RNF125: variants seen among roughly 807,000 people sequenced by gnomAD.
RNF125 encodes ring finger protein 125, also known as E3 ubiquitin-protein ligase RNF125.
Under a neutral mutation model 26.0 loss-of-function variants are expected in RNF125, and 21 were observed. That is an observed-to-expected ratio of 0.81 (90% CI 0.57 to 1.16). The LOEUF (loss-of-function observed/expected upper bound fraction) is 1.16, where lower values mean the gene tolerates loss of function less well. Among genes scored for constraint, RNF125 ranks in the 50% most tolerant of loss-of-function variants. RNF125 has a pLI of 0.00. For synonymous variants in RNF125, 95 were observed against 109.2 expected, an observed-to-expected ratio of 0.87 and a Z score of 0.81; for missense variants, 270 against 299.4, an observed-to-expected ratio of 0.90 and a Z score of 0.72.
chr18:32,065,679 C>T (rs568663613), intron 4 of RNF125, among the ~76,000 whole-genome samples: 3 of 152,074 alleles, frequency 2.0e-5, no homozygotes, highest in South Asian at 2.1e-4. Flanking sequence ...ACTATAGGCA[C>T]GTACCACCAC....
chr18:32,028,052 A>G (rs952394908), intron 1 of RNF125, among the ~76,000 whole-genome samples: 1 of 151,984 alleles, frequency 6.6e-6, no homozygotes, highest in Non-Finnish European at 1.5e-5. Flanking sequence ...TAATCCCAGC[A>G]CTTTGGGAGG....
At chr18:32,054,054 C>G (rs1451622026) in intron 4 of RNF125, among the ~76,000 whole-genome samples, 2 of 148,762 alleles carry the variant, frequency 1.3e-5, no homozygotes, top group African/African-American at 5.0e-5. Context: ...ATGATCAAAG[C>G]TCATATGATC....
intron 3 of RNF125, among the ~76,000 whole-genome samples, chr18:32,042,907 G>C (rs1457050972): frequency 6.6e-6 from 1 of 151,654 alleles, no homozygotes; most frequent in Non-Finnish European, 1.5e-5. Context: ...CCAGCACTTT[G>C]GGAGGCTGAG....
At chr18:32,040,242 C>T (rs1308155621) in intron 2 of RNF125, among the ~76,000 whole-genome samples, 1 of 150,942 alleles carries the variant, frequency 6.6e-6, no homozygotes, top group Non-Finnish European at 1.5e-5. Context: ...CTTAGTTTTC[C>T]AGTTCCCTAT....
chr18:32,073,620 A>T (rs970437355), downstream of RNF125, among the ~76,000 whole-genome samples: 15 of 152,380 alleles, frequency 9.8e-5, no homozygotes, highest in East Asian at 2.7e-3. Flanking sequence ...AGATGTAGAT[A>T]GATTCTTCCC....
rs138813962 is a variant in RNF125 at position 32,035,950 on chromosome 18, C to T, written c.165-1166C>T. On this transcript the variant is annotated intron_variant, in intron 1 of 5. Coordinates refer to ENST00000217740, the MANE Select transcript of RNF125 (RefSeq NM_017831.4). The stretch of plus-strand genomic sequence containing the variant: ...GGTGGATCACCTGAGGTCAGGAGTT[C>T]GAGACCAGCCTGACCAACATGGTGA... Among the ~76,000 whole-genome samples, 1,211 of 152,038 alleles carry T rather than the reference C, an allele frequency of 8.0e-3. 17 individuals are homozygous for T. Among genetic ancestry groups the T allele is most frequent in the African/African-American group, 0.027 (1,122 of 41,494 alleles).
chr18:32,062,116 A>G (rs1175398614), intron 4 of RNF125, among the ~76,000 whole-genome samples: 1 of 152,216 alleles, frequency 6.6e-6, no homozygotes, highest in African/African-American at 2.4e-5. Flanking sequence ...CAGCTACTCT[A>G]CAAGGCAGGT....
chr18:32,046,785 G>T (rs1008682766), intron 4 of RNF125, among the ~76,000 whole-genome samples: 2 of 151,878 alleles, frequency 1.3e-5, no homozygotes, highest in Admixed American at 1.3e-4. Context: ...TTCCTTTTCA[G>T]CCTTGGCGTT....
At chr18:32,060,766 AC>A (rs1443827176) in intron 4 of RNF125, among the ~76,000 whole-genome samples, 4 of 152,298 alleles carry the variant, frequency 2.6e-5, no homozygotes, top group African/African-American at 9.6e-5. Context: ...TTCCACTAGT[AC>A]CGACTTCAGC....
the RNF125 span, among the ~76,000 whole-genome samples, chr18:32,084,082 G>A: frequency 7.2e-5 from 11 of 152,260 alleles, no homozygotes; most frequent in South Asian, 2.3e-3. Context: ...CTGACCAGGT[G>A]CGGTGGCTTA....
intron 3 of RNF125, among the ~76,000 whole-genome samples, chr18:32,045,065 C>T (rs1451261181): frequency 6.6e-6 from 1 of 150,940 alleles, no homozygotes; most frequent in East Asian, 2.0e-4. Context: ...TTGCGGTGAG[C>T]CAAGATTGCA....
chr18:32,056,613 C>T (rs1376588598), intron 4 of RNF125, among the ~76,000 whole-genome samples: 1 of 73,208 alleles, frequency 1.4e-5, no homozygotes, highest in Non-Finnish European at 2.6e-5. Flanking sequence ...AAGAGCAAAA[C>T]TCCGTCTCAA....
Position 32,019,147 on chromosome 18 carries a change from G to T in RNF125, c.164+120G>T, listed in dbSNP as rs1279284804. 4 of 1,229,380 alleles carry T rather than the reference G, an allele frequency of 3.3e-6. No homozygotes were observed. In the Admixed American group the frequency reaches 7.9e-5, roughly 24 times the overall value. The allele number at this position is 1,229,380 out of a possible 1,614,324, so 76.2% of individuals were successfully genotyped here. On this transcript the variant is annotated intron_variant, in intron 1 of 5. Coordinates refer to ENST00000217740, the MANE Select transcript of RNF125 (RefSeq NM_017831.4). ...CAGCCTCTTAGGAAATTGCTGCAGG[G>T]AGAAACCTGGACCCGTCGGATGCAG...
downstream of RNF125, among the ~76,000 whole-genome samples, chr18:32,077,455 G>C (rs532380446): frequency 1.2e-3 from 178 of 148,194 alleles, 1 homozygote; most frequent in African/African-American, 4.0e-3. Flanking sequence ...TCTGCCTCCC[G>C]GGTTCAAGCG....
downstream of RNF125, chr18:32,076,122 C>A: frequency 1.6e-6 from 1 of 614,138 alleles, no homozygotes; most frequent in Non-Finnish European, 3.0e-6. Flanking sequence ...TCAATGATTT[C>A]AGACTCGCCA....
At chr18:32,044,717 C>T (rs540729513) in intron 3 of RNF125, among the ~76,000 whole-genome samples, 1 of 152,268 alleles carries the variant, frequency 6.6e-6, no homozygotes, top group African/African-American at 2.4e-5. Context: ...TTTCCTTCCT[C>T]CCTTTCCGAA....
intron 4 of RNF125, among the ~76,000 whole-genome samples, chr18:32,064,625 TCTC>T (rs1278968861): frequency 6.6e-6 from 1 of 151,672 alleles, no homozygotes; most frequent in East Asian, 1.9e-4. Context: ...TTCAAGCAAT[TCTC>T]CTGCCTCAGC....
At chr18:32,082,466 A>T in the RNF125 span, among the ~76,000 whole-genome samples, 1 of 152,218 alleles carries the variant, frequency 6.6e-6, no homozygotes, top group Non-Finnish European at 1.5e-5. Flanking sequence ...TAGATTCAGG[A>T]TGCTGTGAAT....
intron 2 of RNF125, among the ~76,000 whole-genome samples, chr18:32,041,616 G>T (rs2433377): frequency 0.69 from 85,655 of 124,244 alleles, 29,690 homozygotes; most frequent in African/African-American, 0.72. Context: ...AAAAAATGTA[G>T]ATGCTTTTTT....
Sources: allele counts gnomAD v4.1 joint callset (sites outside exome capture counted in the v4.1 genomes callset), GRCh38; gene constraint gnomAD v4.1.1; transcripts MANE v1.5; gene names NCBI Gene and HGNC (gene_info 2026-07-23, HGNC 2026-07-21).